ANKS1B: variants seen among roughly 807,000 people sequenced by gnomAD.
ANKS1B encodes ankyrin repeat and sterile alpha motif domain-containing protein 1B.
Under a neutral mutation model 148.3 loss-of-function variants are expected in ANKS1B, and 36 were observed. That is an observed-to-expected ratio of 0.24 (90% confidence interval 0.19 to 0.32). The LOEUF (loss-of-function observed/expected upper bound fraction) is 0.32. Among genes scored for constraint, ANKS1B ranks in the 10% least tolerant of loss-of-function variants. The pLI is 1.00. For missense variants in ANKS1B, 1,157 were observed against 1,542.6 expected (o/e 0.75, Z 4.19); for synonymous variants, 542 against 560.8 (o/e 0.97, Z 0.47).
At chr12:99,085,168 G>T in intron 15 of ANKS1B, 145 bp from the exon 16 acceptor site, 1 of 668,906 alleles carries the variant, frequency 1.5e-6, no homozygotes, top group Non-Finnish European at 2.6e-6. Flanking sequence ...TGAGGGTGAG[G>T]GCAGAGTCGG....
intron 17 of ANKS1B, among the ~76,000 whole-genome samples, chr12:98,918,253 C>G (rs1006503934): frequency 2.0e-5 from 3 of 152,168 alleles, no homozygotes; most frequent in Non-Finnish European, 4.4e-5. Flanking sequence ...CACTTGGAAG[C>G]AGAAAGAGAA....
At chr12:99,710,000 T>C (rs2056405235) in intron 8 of ANKS1B, among the ~76,000 whole-genome samples, 1 of 152,120 alleles carries the variant, frequency 6.6e-6, no homozygotes, top group African/African-American at 2.4e-5. Flanking sequence ...GCCTTATACC[T>C]TTAAATGAAC....
chr12:99,680,947 T>C (rs999995328), intron 8 of ANKS1B, among the ~76,000 whole-genome samples: 1 of 146,430 alleles, frequency 6.8e-6, no homozygotes, highest in African/African-American at 2.8e-5. Flanking sequence ...CATAACTCCA[T>C]TGGCCTGAGA....
chr12:98,928,448 C>G (rs2099810750), intron 17 of ANKS1B, among the ~76,000 whole-genome samples: 1 of 151,898 alleles, frequency 6.6e-6, no homozygotes, highest in Admixed American at 6.6e-5. Flanking sequence ...CCAGTATACA[C>G]TGACACCATA....
chr12:99,877,875 AT>A (rs1176403544), intron 1 of ANKS1B, among the ~76,000 whole-genome samples: 1 of 152,174 alleles, frequency 6.6e-6, no homozygotes, highest in Admixed American at 6.5e-5. Context: ...CCTGGGCAAC[AT>A]GGCGAAACCC....
intron 25 of ANKS1B, among the ~76,000 whole-genome samples, chr12:98,764,241 T>C (rs2098451608): frequency 6.6e-6 from 1 of 152,202 alleles, no homozygotes; most frequent in African/African-American, 2.4e-5. Context: ...TTTTTGTTTT[T>C]TTCAAGACAG....
chr12:99,006,892 G>C (rs893942632), intron 17 of ANKS1B, among the ~76,000 whole-genome samples: 1 of 152,002 alleles, frequency 6.6e-6, no homozygotes, highest in Non-Finnish European at 1.5e-5. Context: ...AAGGCACTGA[G>C]TTAAAACGAC....
At chr12:99,080,629 A>G (rs553027662) in intron 16 of ANKS1B, among the ~76,000 whole-genome samples, 363 of 152,330 alleles carry the variant, frequency 2.4e-3, no homozygotes, top group Non-Finnish European at 3.5e-3. Flanking sequence ...AAATCCTTTG[A>G]ATGCCTGACC....
At chr12:99,449,917 ATCT>A (rs2095701768) in intron 10 of ANKS1B, among the ~76,000 whole-genome samples, 1 of 151,660 alleles carries the variant, frequency 6.6e-6, no homozygotes, top group Non-Finnish European at 1.5e-5. Context: ...CTATCTATCT[ATCT>A]ATCTATCTAT....
intron 14 of ANKS1B, among the ~76,000 whole-genome samples, chr12:99,155,533 T>C (rs923253969): frequency 6.6e-6 from 1 of 152,106 alleles, no homozygotes; most frequent in Non-Finnish European, 1.5e-5. Flanking sequence ...TAACATTAAC[T>C]GGATAGATTT....
intron 8 of ANKS1B, among the ~76,000 whole-genome samples, chr12:99,718,450 C>T (rs754547955): frequency 6.6e-6 from 1 of 152,140 alleles, no homozygotes; most frequent in Non-Finnish European, 1.5e-5. Context: ...CACCATCTCA[C>T]TAAAACCTAA....
chr12:99,890,570 G>GGTGTGTGTGTGTGT (rs10603901), intron 1 of ANKS1B, among the ~76,000 whole-genome samples: 3 of 137,960 alleles, frequency 2.2e-5, no homozygotes, highest in African/African-American at 8.3e-5. Flanking sequence ...TCGCATTCAT[G>GGTGTGTGTGTGTGT]GTGTGTGTGT....
intron 10 of ANKS1B, among the ~76,000 whole-genome samples, chr12:99,462,499 C>T (rs2095997611): frequency 6.6e-6 from 1 of 152,172 alleles, no homozygotes; most frequent in African/African-American, 2.4e-5. Flanking sequence ...CAATAAATCT[C>T]CTGTATGCTA....
At chr12:99,199,922 G>T (rs556985493) in intron 14 of ANKS1B, among the ~76,000 whole-genome samples, 45 of 152,290 alleles carry the variant, frequency 3.0e-4, no homozygotes, top group Admixed American at 1.2e-3. Flanking sequence ...GATGCTTGGA[G>T]CAGGGAGAAG....
At chr12:99,264,254 C>T (rs991787405) in intron 12 of ANKS1B, among the ~76,000 whole-genome samples, 1 of 152,082 alleles carries the variant, frequency 6.6e-6, no homozygotes, top group Non-Finnish European at 1.5e-5. Context: ...TGCTTTACTT[C>T]ACTGCTACAC....
chr12:99,627,769 G>A (rs1037209470), intron 9 of ANKS1B, among the ~76,000 whole-genome samples: 1 of 152,094 alleles, frequency 6.6e-6, no homozygotes, highest in Non-Finnish European at 1.5e-5. Context: ...ATAATAAAAG[G>A]CAGAAAGCCA....
chr12:99,666,479 T>G (rs1033051853), intron 8 of ANKS1B, among the ~76,000 whole-genome samples: 15 of 152,202 alleles, frequency 9.9e-5, no homozygotes, highest in Non-Finnish European at 8.8e-5. Context: ...AATATTTTTA[T>G]AGTCTTCAGT....
At chr12:99,909,069 C>CT (rs1295511257) in intron 1 of ANKS1B, among the ~76,000 whole-genome samples, 7 of 145,730 alleles carry the variant, frequency 4.8e-5, no homozygotes, top group East Asian at 2.2e-4. Context: ...ATATATTCAA[C>CT]TTTTTTTTTA....
At chr12:99,165,690 A>G (rs1290780640) in intron 14 of ANKS1B, among the ~76,000 whole-genome samples, 2 of 43,154 alleles carry the variant, frequency 4.6e-5, no homozygotes, top group Non-Finnish European at 8.7e-5. Context: ...GTTAAATTCT[A>G]CCAAACATAT....
Sources: allele counts gnomAD v4.1 joint callset (sites outside exome capture counted in the v4.1 genomes callset), GRCh38; gene constraint gnomAD v4.1.1; transcripts MANE v1.5; gene names NCBI Gene and HGNC (gene_info 2026-07-23, HGNC 2026-07-21).